LPCAT3: variants seen among roughly 807,000 people sequenced by gnomAD.
The protein encoded by LPCAT3 is lysophosphatidylcholine acyltransferase 3.
LPCAT3 carries 21 observed loss-of-function variants against 63.4 expected under a neutral mutation model. The ratio of observed to expected loss-of-function variants is 0.33; its 90% CI spans 0.23 to 0.48. LPCAT3 has a LOEUF of 0.48. Ranked by LOEUF, LPCAT3 falls within the 20% of genes least tolerant of loss-of-function variation. The pLI is 0.99. For missense variants in LPCAT3, 451 were observed against 590.6 expected, an observed-to-expected ratio of 0.76 and a Z score of 2.45; for synonymous variants, 242 against 227.5, an observed-to-expected ratio of 1.06 and a Z score of -0.58.
Position 6,977,658 on chromosome 12 carries a change from C to A in LPCAT3, c.1128G>T (p.Leu376=). ...GGAAGCAGACCAGGTATCCTGAGTG[C>A]AGGCCGTGCCAGAGGGCCAGGAATA... ...SLLFLALWHG[L]HSGYLVCFQM... is the part of the protein sequence containing the mutation. Residue 376 remains leucine (L), a synonymous_variant, in exon 10 of 13, where the codon CTG becomes CTT. Coordinates refer to ENST00000261407, the MANE Select transcript of LPCAT3 (RefSeq NM_005768.6). The surrounding 1 kb of genome is among the most constrained non-coding windows in gnomAD (Gnocchi z 4.5). The A allele has an allele frequency of 6.2e-7, 1 of 1,614,236 alleles. No homozygotes were observed. Among genetic ancestry groups the A allele is most frequent in the Non-Finnish European group, 8.5e-7 (1 of 1,180,042 alleles).
chr12:7,001,617 G>C (rs1397755193), intron 1 of LPCAT3: 1 of 417,568 alleles, frequency 2.4e-6, no homozygotes, highest in Non-Finnish European at 4.9e-6. Flanking sequence ...GGGCTGACAG[G>C]TAGGCAGAGT....
chr12:6,982,951 G>T, intron 2 of LPCAT3, 169 bp from the exon 3 acceptor site: 3 of 665,096 alleles, frequency 4.5e-6, no homozygotes, highest in Non-Finnish European at 5.4e-6. Context: ...AAATAAAAAA[G>T]ATTATTAGGG....
intron 1 of LPCAT3, among the ~76,000 whole-genome samples, chr12:6,997,593 T>C (rs1555156194): frequency 6.6e-6 from 1 of 150,652 alleles, no homozygotes; most frequent in African/African-American, 2.4e-5. Flanking sequence ...TTCTTTTCTT[T>C]TTTTTTTTTT....
intron 5 of LPCAT3, 43 bp from the exon 6 acceptor site, chr12:6,981,225 C>A: frequency 6.6e-7 from 1 of 1,525,972 alleles, no homozygotes; most frequent in Non-Finnish European, 8.9e-7. Context: ...AGCCTTGAAT[C>A]TCCCCACAAG....
At position 6,982,761 on chromosome 12, in the gene LPCAT3, A is replaced by G. The variant is rs944645484; in HGVS notation, c.281T>C (p.Leu94Pro). The G allele has an allele frequency of 1.2e-6, 2 of 1,613,638 alleles. No individual in the cohort carries two copies. Among genetic ancestry groups the G allele is most frequent in the Non-Finnish European group, 8.5e-7 (1 of 1,179,584 alleles). ...FNFGNQLYHSLLCIVLQFLIL... is the reference protein window; with the variant it reads ...FNFGNQLYHSPLCIVLQFLIL... ...GAGGAACTGAAGCACAATACACAGC[A>G]GGGAGTGGTAGAGCTGGTTTCCTGG... is the stretch of plus-strand genomic sequence containing the variant. The change falls in exon 3 of 13, where the codon CTG becomes CCG. Residue 94 changes from leucine to proline, a missense_variant. Around this residue, in one of 3 missense-constraint regions of LPCAT3, gnomAD observed 133 missense variants for 152.1 expected, o/e 0.87. Coordinates refer to ENST00000261407, the MANE Select transcript of LPCAT3 (RefSeq NM_005768.6).
At chr12:7,016,593 C>A (rs1464093216) in intron 1 of LPCAT3, among the ~76,000 whole-genome samples, 1 of 152,058 alleles carries the variant, frequency 6.6e-6, no homozygotes, top group Non-Finnish European at 1.5e-5. Flanking sequence ...TTTGTAGAGA[C>A]AAATAAAATG....
In LPCAT3 at chr12:6,987,903, T is replaced by C; in HGVS notation, c.152-4364A>G. 2.5e-6 allele frequency: 1 copy of C among 400,574 alleles called. No homozygotes were observed. The highest frequency in any genetic ancestry group is 3.6e-5 in the East Asian group (1 of 28,060). The allele number at this position is 400,574 out of a possible 1,614,324, so 24.8% of individuals were successfully genotyped here. A position where few individuals can be genotyped will look rare whatever the true frequency, so the allele number is the denominator to read the frequency against. On this transcript the variant is annotated intron_variant, in intron 1 of 12. Transcript: ENST00000261407. The surrounding 1 kb of genome is among the most constrained non-coding windows in gnomAD (Gnocchi z 4.1). ...CTGTCCTGAGTTCTGAGTTCTTGTG[T>C]CCACTTCTTATAGCCTGTCTGTCCC...
In LPCAT3 at chr12:7,001,578, T is replaced by C. The variant is rs1555156508; in HGVS notation, c.151+16696A>G. The C allele has an allele frequency of 6.7e-6, 3 of 449,890 alleles. No individual in the cohort carries two copies. The Admixed American group carries it at 7.1e-5, about 11-fold the overall frequency. 27.9% of individuals were successfully genotyped at this position (449,890 alleles called of 1,614,324 possible). On this transcript the variant is annotated intron_variant, in intron 1 of 12. Coordinates refer to ENST00000261407, the MANE Select transcript of LPCAT3 (RefSeq NM_005768.6). ...GTTGGTGTTGGTAGGATCCTGGCTG[T>C]GAGGCTGAGGCAGGCCTGAGGAGGG...
At chr12:7,012,350 A>C (rs782688566) in intron 1 of LPCAT3, among the ~76,000 whole-genome samples, 1 of 150,942 alleles carries the variant, frequency 6.6e-6, no homozygotes, top group South Asian at 2.1e-4. Flanking sequence ...GGTAAAGAGC[A>C]GGAACTCTGG....
At position 6,991,789 on chromosome 12, in the gene LPCAT3, T is replaced by C. The variant is rs1946592283; in HGVS notation, c.152-8250A>G. ...GTGAAAAAAGAAGCTGCTAAATCAA[T>C]ATGCAACTTGAATAATCGCCCAAAT... On this transcript the variant is annotated intron_variant, in intron 1 of 12. Transcript: ENST00000261407. Among the ~76,000 whole-genome samples, 3 of 152,216 alleles carry C rather than the reference T, an allele frequency of 2.0e-5. No homozygotes were observed. The South Asian group carries it at 6.2e-4, about 32-fold the overall frequency.
At chr12:6,997,324 C>T (rs1242900518) in intron 1 of LPCAT3, 2 of 151,604 alleles carry the variant, frequency 1.3e-5, no homozygotes, top group African/African-American at 4.9e-5. Flanking sequence ...CTGAGCCTCC[C>T]AAGTAGCTAG....
chr12:6,990,377 C>G (rs1434407145), intron 1 of LPCAT3, among the ~76,000 whole-genome samples: 2 of 148,288 alleles, frequency 1.3e-5, no homozygotes, highest in African/African-American at 5.0e-5. Flanking sequence ...GGTGTGGTGG[C>G]GGGCACCTGT....
chr12:6,981,721 CG>C, intron 4 of LPCAT3, 89 bp from the exon 5 acceptor site: 2 of 146,918 alleles, frequency 1.4e-5, no homozygotes, highest in Non-Finnish European at 2.8e-5. Flanking sequence ...AAGTGTATGG[CG>C]GGGGGCGGAG....
chr12:6,989,549 C>T (rs1411879941), intron 1 of LPCAT3, among the ~76,000 whole-genome samples: 1 of 152,164 alleles, frequency 6.6e-6, no homozygotes, highest in African/African-American at 2.4e-5. Flanking sequence ...CCGCCCGCCT[C>T]GGCCTCCCAA....
chr12:6,978,141 T>C (rs781806522), intron 9 of LPCAT3, 200 bp downstream of exon 9: 3 of 652,916 alleles, frequency 4.6e-6, no homozygotes, highest in Non-Finnish European at 7.8e-6. Flanking sequence ...CACTTTTATA[T>C]CTTGCCTTTT....
At chr12:6,984,369 A>T (rs1946501550) in intron 1 of LPCAT3, among the ~76,000 whole-genome samples, 1 of 152,240 alleles carries the variant, frequency 6.6e-6, no homozygotes, top group Non-Finnish European at 1.5e-5. Flanking sequence ...TGGTATTCCT[A>T]AACTAAAATT....
At chr12:7,008,193 A>G (rs1555156992) in intron 1 of LPCAT3, among the ~76,000 whole-genome samples, 2 of 152,102 alleles carry the variant, frequency 1.3e-5, no homozygotes, top group Non-Finnish European at 2.9e-5. Flanking sequence ...CTGTTTTGAA[A>G]GCAGGGAGAA....
intron 1 of LPCAT3, among the ~76,000 whole-genome samples, chr12:6,983,941 G>A (rs1185068720): frequency 6.6e-6 from 1 of 152,066 alleles, no homozygotes; most frequent in Non-Finnish European, 1.5e-5. Context: ...CGAGGAGTTC[G>A]ACACCAGCCT....
chr12:7,001,821 C>T (rs187965566), intron 1 of LPCAT3, among the ~76,000 whole-genome samples: 1 of 152,060 alleles, frequency 6.6e-6, no homozygotes, highest in African/African-American at 2.4e-5. Context: ...TGGTTGAAAC[C>T]CAGTGTTAAG....
Sources: allele counts gnomAD v4.1 joint callset (sites outside exome capture counted in the v4.1 genomes callset), GRCh38; gene constraint gnomAD v4.1.1; regional missense constraint gnomAD v4.1.1; non-coding constraint Gnocchi (gnomAD v3.1); transcripts MANE v1.5; gene names NCBI Gene and HGNC (gene_info 2026-07-23, HGNC 2026-07-21).